RIMS2: variants seen among roughly 807,000 people sequenced by gnomAD.
RIMS2 encodes regulating synaptic membrane exocytosis protein 2.
In RIMS2, 59 loss-of-function variants were observed where a neutral mutation model predicts 174.4. That is an observed-to-expected ratio of 0.34 (90% CI 0.27 to 0.42). The LOEUF (loss-of-function observed/expected upper bound fraction) is 0.42, where lower values mean the gene tolerates loss of function less well. RIMS2 is among the 10% of genes least tolerant of loss of function. The pLI, the probability that RIMS2 is intolerant of heterozygous loss-of-function variation, is 1.00. For synonymous variants in RIMS2, 606 were observed against 572.5 expected (o/e 1.06, Z -0.84); for missense variants, 1,620 against 1,666.3 (o/e 0.97, Z 0.48).
At chr8:103,531,917 A>G (rs1837362088) in intron 1 of RIMS2, among the ~76,000 whole-genome samples, 2 of 152,236 alleles carry the variant, frequency 1.3e-5, no homozygotes, top group Non-Finnish European at 2.9e-5. Context: ...CTGAGGCTAC[A>G]TAATGACAAG....
chr8:103,627,138 C>T (rs2095805137), intron 1 of RIMS2, among the ~76,000 whole-genome samples: 1 of 152,134 alleles, frequency 6.6e-6, no homozygotes. Flanking sequence ...TAGACCTACC[C>T]CAGGAATGCA....
At chr8:104,205,940 G>T (rs2099078079) in intron 19 of RIMS2, among the ~76,000 whole-genome samples, 1 of 152,054 alleles carries the variant, frequency 6.6e-6, no homozygotes, top group Non-Finnish European at 1.5e-5. Context: ...ATTTTTAGTA[G>T]AGAGGGGGTT....
At chr8:103,819,578 C>T in intron 3 of RIMS2, 1 of 1,613,550 alleles carries the variant, frequency 6.2e-7, no homozygotes, top group Non-Finnish European at 8.5e-7. Flanking sequence ...TTTTCATCCC[C>T]ACCAAATATC....
At chr8:104,138,259 A>G (rs1450157653) in intron 19 of RIMS2, among the ~76,000 whole-genome samples, 1 of 152,124 alleles carries the variant, frequency 6.6e-6, no homozygotes, top group African/African-American at 2.4e-5. Context: ...AACCATGAGA[A>G]TGCAGATATC....
At chr8:103,940,230 G>A (rs1450009293) in intron 13 of RIMS2, among the ~76,000 whole-genome samples, 1 of 152,150 alleles carries the variant, frequency 6.6e-6, no homozygotes, top group Non-Finnish European at 1.5e-5. Context: ...GACTGGGGAG[G>A]CCTCACAGTC....
chr8:104,033,412 GTCA>G (rs2096443243), intron 19 of RIMS2, among the ~76,000 whole-genome samples: 1 of 151,868 alleles, frequency 6.6e-6, no homozygotes. Flanking sequence ...TGTCCACTTT[GTCA>G]TCATGTCCAA....
chr8:103,676,068 A>T (rs1329908282), intron 1 of RIMS2, among the ~76,000 whole-genome samples: 1 of 152,188 alleles, frequency 6.6e-6, no homozygotes, highest in Non-Finnish European at 1.5e-5. Flanking sequence ...AAAAAGGTAC[A>T]TAAAGACCCA....
intron 1 of RIMS2, among the ~76,000 whole-genome samples, chr8:103,529,871 TA>T (rs912320635): frequency 1.1e-4 from 16 of 152,250 alleles, no homozygotes; most frequent in African/African-American, 3.9e-4. Context: ...TTATTGTTTT[TA>T]TCCCCAAAAT....
chr8:104,057,479 A>G (rs1566078261), intron 19 of RIMS2, among the ~76,000 whole-genome samples: 1 of 152,076 alleles, frequency 6.6e-6, no homozygotes, highest in Non-Finnish European at 1.5e-5. Context: ...AACAAAACAA[A>G]CACATATTAT....
intron 3 of RIMS2, among the ~76,000 whole-genome samples, chr8:103,781,697 T>C (rs2098389894): frequency 6.6e-6 from 1 of 151,926 alleles, no homozygotes; most frequent in South Asian, 2.1e-4. Flanking sequence ...AATTTTCTTA[T>C]GCTTCAAGGT....
chr8:103,659,509 A>G (rs1589829523), intron 1 of RIMS2, among the ~76,000 whole-genome samples: 2 of 152,198 alleles, frequency 1.3e-5, no homozygotes, highest in Non-Finnish European at 2.9e-5. Context: ...CTCAAAGTGG[A>G]GAGCATGTTG....
intron 2 of RIMS2, among the ~76,000 whole-genome samples, chr8:103,701,872 G>A (rs1198557964): frequency 6.6e-6 from 1 of 152,006 alleles, no homozygotes; most frequent in African/African-American, 2.4e-5. Flanking sequence ...TTTGGCTATT[G>A]TGAATAGGCT....
chr8:104,064,536 G>A (rs2097068419), intron 19 of RIMS2, among the ~76,000 whole-genome samples: 2 of 152,022 alleles, frequency 1.3e-5, no homozygotes, highest in Middle Eastern at 3.4e-3. Flanking sequence ...TAGTAGGAAT[G>A]CTAACATTTA....
chr8:104,138,348 CCAAA>C (rs2098538617), intron 19 of RIMS2, among the ~76,000 whole-genome samples: 1 of 152,126 alleles, frequency 6.6e-6, no homozygotes, highest in Non-Finnish European at 1.5e-5. Flanking sequence ...TGAGGAACCT[CCAAA>C]CTTGTCTTCA....
At chr8:103,607,791 A>T (rs1192819724) in intron 1 of RIMS2, among the ~76,000 whole-genome samples, 1 of 134,778 alleles carries the variant, frequency 7.4e-6, no homozygotes, top group Non-Finnish European at 1.6e-5. Context: ...AGTTGATCGC[A>T]TCGGCTCCTG....
rs150291040 is a variant in RIMS2 at position 103,591,555 on chromosome 8, C to G, written c.176+90493C>G. ...ATAGGTTTAACTTTTATGTTTAGGT[C>G]TATAATCCGTGTTGAATTAATTATT... On this transcript the variant is annotated intron_variant, in intron 1 of 23. Transcript: ENST00000504942. Among the ~76,000 whole-genome samples the G allele has an allele frequency of 6.2e-3, 938 of 151,122 alleles. 12 individuals carry two copies. The highest frequency in any genetic ancestry group is 0.021 in the African/African-American group (888 of 41,430).
chr8:103,615,602 TA>T (rs2095486535), intron 1 of RIMS2, among the ~76,000 whole-genome samples: 1 of 151,996 alleles, frequency 6.6e-6, no homozygotes. Flanking sequence ...AGTTGATTTT[TA>T]AAAAGTTAAT....
intron 2 of RIMS2, among the ~76,000 whole-genome samples, chr8:103,745,739 T>C (rs990347157): frequency 6.6e-6 from 1 of 152,224 alleles, no homozygotes; most frequent in African/African-American, 2.4e-5. Context: ...GCATTACTTC[T>C]TATGCTTTTT....
chr8:103,840,326 G>T (rs547238980), intron 3 of RIMS2, among the ~76,000 whole-genome samples: 1 of 151,978 alleles, frequency 6.6e-6, no homozygotes, highest in Non-Finnish European at 1.5e-5. Flanking sequence ...TTCTATACAG[G>T]TTTCTTATAT....
Sources: allele counts gnomAD v4.1 joint callset (sites outside exome capture counted in the v4.1 genomes callset), GRCh38; gene constraint gnomAD v4.1.1; transcripts MANE v1.5; gene names NCBI Gene and HGNC (gene_info 2026-07-23, HGNC 2026-07-21).